TGIF1: variants seen among roughly 807,000 people sequenced by gnomAD.
The protein encoded by TGIF1 is homeobox protein TGIF1.
A neutral mutation model predicts 19.3 loss-of-function variants in TGIF1; 4 were observed. The ratio of observed to expected loss-of-function variants is 0.21; its 90% CI spans 0.10 to 0.47. The LOEUF (loss-of-function observed/expected upper bound fraction) is 0.47. Ranked by LOEUF, TGIF1 falls within the 20% of genes least tolerant of loss-of-function variation. The pLI is 0.98. For synonymous variants in TGIF1, 122 were observed against 129.3 expected (o/e 0.94, Z 0.38); for missense variants, 275 against 341.4 (o/e 0.81, Z 1.53).
In TGIF1 at chr18:3,451,862, GTCCGAGACGC is replaced by G; in HGVS notation, c.16+1358_16+1367del. ...CCCTGGGAGAAAACGCGCGGGGGGC[GTCCGAGACGC>G]CCCGTGAAAGCCGTGCCGACCCTTG... On this transcript the variant is annotated intron_variant, in intron 1 of 2. Transcript: ENST00000343820. This position sits in a 1 kb window ranked among gnomAD's most constrained non-coding sequence, Gnocchi z 5.4. The G allele has an allele frequency of 1.4e-6, 2 of 1,410,264 alleles. No individual in the cohort carries two copies. Among genetic ancestry groups the G allele is most frequent in the South Asian group, 3.6e-5 (2 of 56,044 alleles). The allele number at this position is 1,410,264 out of a possible 1,614,324, so 87.4% of individuals were successfully genotyped here.
intron 1 of TGIF1, chr18:3,452,222 C>T (rs770281321): frequency 5.6e-6 from 9 of 1,604,724 alleles, no homozygotes; most frequent in South Asian, 4.4e-5. Context: ...CCTGCGCCCC[C>T]CCTCCTCCAC....
chr18:3,428,326 T>C (rs895249168), intron 2 of TGIF1, among the ~76,000 whole-genome samples: 24 of 152,384 alleles, frequency 1.6e-4, no homozygotes, highest in African/African-American at 5.8e-4. Flanking sequence ...GCATGGCATA[T>C]GATGGTGATC....
At chr18:3,445,726 A>C (rs1452217959), upstream of TGIF1, among the ~76,000 whole-genome samples, 6 of 106,652 alleles carry the variant, frequency 5.6e-5, no homozygotes, top group African/African-American at 2.9e-4. Flanking sequence ...TCTGTCTCAA[A>C]AAAAAAAAAA....
Position 3,435,972 on chromosome 18 carries a change from T to C in TGIF1, c.-45+17757T>C, listed in dbSNP as rs560320626. Among the ~76,000 whole-genome samples, 286 of 98,010 alleles carry C rather than the reference T, an allele frequency of 2.9e-3. 1 individual carries two copies. Among genetic ancestry groups the C allele is most frequent in the African/African-American group, 9.8e-3 (282 of 28,694 alleles). 64.3% of individuals were successfully genotyped at this position (98,010 alleles called of 152,430 possible). On this transcript the variant is annotated intron_variant, in intron 2 of 3. Coordinates refer to the TGIF1 transcript ENST00000401449. ...AACTCCTGGGCTCAAACGATCTTCC[T>C]GTCTCTCTGCCACCTGAGTTTCTGG...
chr18:3,449,814 G>A (rs1337570935), upstream of TGIF1: 2 of 985,600 alleles, frequency 2.0e-6, no homozygotes, highest in East Asian at 1.1e-4. Flanking sequence ...GGGAAGGAGG[G>A]AGGTGTCCTT....
At chr18:3,441,176 G>C (rs970172630) in intron 2 of TGIF1, among the ~76,000 whole-genome samples, 4 of 152,106 alleles carry the variant, frequency 2.6e-5, no homozygotes, top group African/African-American at 9.7e-5. Flanking sequence ...AGCCCTTCAT[G>C]AATTAAGTCA....
intron 2 of TGIF1, among the ~76,000 whole-genome samples, chr18:3,438,036 A>C (rs1465406817): frequency 3.9e-5 from 6 of 152,106 alleles, no homozygotes; most frequent in African/African-American, 7.2e-5. Flanking sequence ...GTGAGCCGAG[A>C]TCACGCCATT....
At chr18:3,426,398 A>C (rs997069154) in intron 2 of TGIF1, among the ~76,000 whole-genome samples, 2 of 151,416 alleles carry the variant, frequency 1.3e-5, no homozygotes, top group Non-Finnish European at 2.9e-5. Context: ...CAAACTCCTG[A>C]CCTCCAGCGA....
At chr18:3,421,167 T>A (rs1303306255) in intron 2 of TGIF1, among the ~76,000 whole-genome samples, 1 of 151,634 alleles carries the variant, frequency 6.6e-6, no homozygotes, top group Non-Finnish European at 1.5e-5. Flanking sequence ...AAATCTACTG[T>A]ATTTGATGGT....
intron 2 of TGIF1, among the ~76,000 whole-genome samples, chr18:3,432,660 G>A (rs2143198202): frequency 6.6e-6 from 1 of 152,268 alleles, no homozygotes; most frequent in African/African-American, 2.4e-5. Flanking sequence ...GTGTGCGCCT[G>A]TGTTTGTCTA....
chr18:3,449,461 A>G, upstream of TGIF1: 22 of 985,366 alleles, frequency 2.2e-5, no homozygotes, highest in Non-Finnish European at 2.7e-5. Flanking sequence ...AGATTTCGAA[A>G]CTGCCTTGCA....
At chr18:3,435,397 G>A (rs775549122) in intron 2 of TGIF1, among the ~76,000 whole-genome samples, 56 of 151,952 alleles carry the variant, frequency 3.7e-4, no homozygotes, top group Admixed American at 7.9e-4. Context: ...GGGTTTCACC[G>A]GTGTTGCCCA....
rs928079857 is a variant in TGIF1, at chr18:3,451,613, C to A, written c.16+1108C>A. The A allele has an allele frequency of 5.6e-6, 6 of 1,074,274 alleles. No individual in the cohort carries two copies. Among genetic ancestry groups the A allele is most frequent in the African/African-American group, 1.6e-5 (1 of 60,624 alleles). The allele number at this position is 1,074,274 out of a possible 1,614,324, so 66.5% of individuals were successfully genotyped here. A position where few individuals can be genotyped will look rare whatever the true frequency, so the allele number is the denominator to read the frequency against. On this transcript the variant is annotated intron_variant, in intron 1 of 2. Transcript: ENST00000343820. This position sits in a 1 kb window ranked among gnomAD's most constrained non-coding sequence, Gnocchi z 5.4. Reference sequence around the variant, plus strand: ...ACTCCACATTCTTTCAGACCCGGCCCGCTGCGGGGCGTTCCTGGGGGGTAG... The same window carrying A: ...ACTCCACATTCTTTCAGACCCGGCCAGCTGCGGGGCGTTCCTGGGGGGTAG...
Position 3,459,650 on chromosome 18 carries a change from A to C in TGIF1, c.*1710A>C, listed in dbSNP as rs1027748068. On this transcript the variant is annotated 3_prime_UTR_variant, in exon 3 of 3. Transcript: ENST00000343820. ...TTTTGCTTTAGTATAGATGAGGGAA[A>C]TGAGCAAGTCCTAAAAGGTTTGCCC... 1 of 152,258 alleles carries C rather than the reference A, an allele frequency of 6.6e-6. No individual in the cohort carries two copies. The highest frequency in any genetic ancestry group is 2.4e-5 in the African/African-American group (1 of 41,466). The allele number at this position is 152,258 out of a possible 1,614,324, so 9.4% of individuals were successfully genotyped here. A position where few individuals can be genotyped will look rare whatever the true frequency, so the allele number is the denominator to read the frequency against.
chr18:3,450,411 C>A lies in TGIF1; in HGVS notation c.-79C>A. The A allele has an allele frequency of 4.5e-6, 7 of 1,549,662 alleles. No individual in the cohort carries two copies. The highest frequency in any genetic ancestry group is 6.1e-6 in the Non-Finnish European group (7 of 1,146,188). On this transcript the variant is annotated 5_prime_UTR_variant, in exon 1 of 3. Transcript: ENST00000343820. ...ACGGGAGAGTCGGCTGTGAAGGAGA[C>A]GTTCGCTTATCCCCTGTGTCCCCGC...
At chr18:3,438,042 C>T (rs926112415) in intron 2 of TGIF1, among the ~76,000 whole-genome samples, 5 of 151,956 alleles carry the variant, frequency 3.3e-5, no homozygotes, top group Non-Finnish European at 7.4e-5. Flanking sequence ...CGAGATCACG[C>T]CATTGAACTC....
chr18:3,428,589 T>G (rs1568033072), intron 2 of TGIF1, among the ~76,000 whole-genome samples: 1 of 151,712 alleles, frequency 6.6e-6, no homozygotes, highest in East Asian at 1.9e-4. Context: ...ACAAAAAGAT[T>G]ATCCGGGCAT....
chr18:3,430,963 T>C (rs2082539512), intron 2 of TGIF1, among the ~76,000 whole-genome samples: 1 of 152,122 alleles, frequency 6.6e-6, no homozygotes, highest in African/African-American at 2.4e-5. Flanking sequence ...AATATACACA[T>C]GTCTGTATGA....
upstream of TGIF1, chr18:3,449,857 C>T (rs1041254893): frequency 1.4e-5 from 14 of 985,394 alleles, no homozygotes; most frequent in African/African-American, 1.7e-5. Context: ...GAACCAAACG[C>T]ACCCTCGCCA....
Sources: gnomAD v4.1 joint callset for allele counts (sites outside exome capture counted in the v4.1 genomes callset) on GRCh38, gnomAD v4.1.1 for gene constraint, Gnocchi (gnomAD v3.1) non-coding constraint, MANE v1.5 for transcripts, NCBI Gene and HGNC (gene_info 2026-07-23, HGNC 2026-07-21) for gene names.